The following SLC35F1 variants were observed in gnomAD, a reference collection of about 807,000 sequenced individuals.
SLC35F1 encodes chromosome 6 open reading frame 169.
Under a neutral mutation model 48.7 loss-of-function variants are expected in SLC35F1, and 14 were observed. That is an observed-to-expected ratio of 0.29 (90% CI 0.19 to 0.45). The LOEUF is 0.45. Among genes scored for constraint, SLC35F1 ranks in the 20% least tolerant of loss-of-function variants. SLC35F1 has a pLI of 1.00. For missense variants in SLC35F1, 404 were observed against 500.0 expected (o/e 0.81, Z 1.83); for synonymous variants, 190 against 202.2 (o/e 0.94, Z 0.51).
In SLC35F1 at chr6:117,907,719, C is replaced by T. The variant is rs1328337030; in HGVS notation, c.-8C>T. The stretch of plus-strand genomic sequence containing the variant: ...TCTGATCGCCGCCGCGCCTCAGCCT[C>T]TGCCGCGATGATCCCCCCTGAGCAG... On this transcript the variant is annotated 5_prime_UTR_variant, in exon 1 of 8. Transcript: ENST00000360388. The T allele has an allele frequency of 1.1e-5, 17 of 1,512,140 alleles. No homozygotes were observed. Among genetic ancestry groups the T allele is most frequent in the Non-Finnish European group, 1.5e-5 (17 of 1,128,346 alleles). 93.7% of individuals were successfully genotyped at this position (1,512,140 alleles called of 1,614,324 possible). A position where few individuals can be genotyped will look rare whatever the true frequency, so the allele number is the denominator to read the frequency against.
chr6:118,288,011 G>GT lies in SLC35F1; in HGVS notation c.1002+2687dup, dbSNP rs55797932. Among the ~76,000 whole-genome samples the GT allele has an allele frequency of 5.0e-3, 723 of 145,318 alleles. 3 individuals carry two copies. Among genetic ancestry groups the GT allele is most frequent in the Non-Finnish European group, 6.3e-3 (415 of 65,758 alleles). On this transcript the variant is annotated intron_variant, in intron 7 of 7. Coordinates refer to ENST00000360388, the MANE Select transcript of SLC35F1 (RefSeq NM_001029858.4). The stretch of plus-strand genomic sequence containing the variant: ...TTTATTTCATACAGCAATGATTTGG[G>GT]TTTTTTTTTTTTTTGGTATGGCAAA...
intron 7 of SLC35F1, among the ~76,000 whole-genome samples, chr6:118,291,310 G>T (rs1412724909): frequency 6.6e-6 from 1 of 151,110 alleles, no homozygotes; most frequent in African/African-American, 2.4e-5. Context: ...GGGAAAAGCT[G>T]TGTGTATATA....
At chr6:118,280,813 GCGAGTCGGGAT>G (rs1386774034) in intron 6 of SLC35F1, among the ~76,000 whole-genome samples, 3 of 151,696 alleles carry the variant, frequency 2.0e-5, no homozygotes, top group Admixed American at 6.6e-5. Flanking sequence ...GGAGGTTGCA[GCGAGTCGGGAT>G]CACGCAACTG....
At chr6:118,280,095 C>T (rs1017465475) in intron 6 of SLC35F1, among the ~76,000 whole-genome samples, 45 of 152,130 alleles carry the variant, frequency 3.0e-4, no homozygotes, top group African/African-American at 1.1e-3. Context: ...CAATTAAAAG[C>T]AAGAAGATAA....
chr6:117,943,437 G>GA (rs1454626722), intron 1 of SLC35F1, among the ~76,000 whole-genome samples: 1 of 152,046 alleles, frequency 6.6e-6, no homozygotes, highest in Non-Finnish European at 1.5e-5. Flanking sequence ...TCACTGAATT[G>GA]AAAAAAACTA....
intron 1 of SLC35F1, among the ~76,000 whole-genome samples, chr6:117,950,864 C>T (rs895638751): frequency 6.6e-6 from 1 of 152,048 alleles, no homozygotes; most frequent in Non-Finnish European, 1.5e-5. Flanking sequence ...GTTGAGACAT[C>T]AATGTTGATA....
chr6:118,047,971 G>A (rs1451991297), intron 1 of SLC35F1, among the ~76,000 whole-genome samples: 1 of 152,110 alleles, frequency 6.6e-6, no homozygotes, highest in Non-Finnish European at 1.5e-5. Flanking sequence ...GTTTTCAAAG[G>A]GAATGCTTCC....
intron 2 of SLC35F1, among the ~76,000 whole-genome samples, chr6:118,191,285 A>G (rs895624554): frequency 3.3e-5 from 5 of 152,212 alleles, no homozygotes; most frequent in Non-Finnish European, 7.4e-5. Context: ...TAGCTGAAAA[A>G]TCCTTCACAA....
In SLC35F1 at chr6:118,154,500, A is replaced by T; in HGVS notation, c.229A>T (p.Ile77Phe). 1 of 1,613,952 alleles carries T rather than the reference A, an allele frequency of 6.2e-7. No individual in the cohort carries two copies. Among genetic ancestry groups the T allele is most frequent in the South Asian group, 1.1e-5 (1 of 91,040 alleles). ...GQVLSLLICG[I>F]GLTSKYLSED... is the part of the protein sequence containing the mutation. ...GGTGTTATCCCTCCTTATTTGTGGA[A>T]TTGGCTTGACTAGCAAGTATCTGTC... The change falls in exon 2 of 8, where the codon ATT (isoleucine) becomes TTT (phenylalanine). Residue 77 changes from isoleucine (I) to phenylalanine (F), a missense_variant. By Grantham distance (21) the Ile-to-Phe change is conservative (BLOSUM62 0). This residue lies in a region of SLC35F1 where 306 missense variants were observed against 419.1 expected (regional missense o/e 0.73). Transcript: ENST00000360388.
intron 1 of SLC35F1, among the ~76,000 whole-genome samples, chr6:118,146,762 T>A (rs1773979572): frequency 2.0e-5 from 3 of 152,212 alleles, no homozygotes; most frequent in Admixed American, 2.0e-4. Flanking sequence ...TGCTACTGAC[T>A]GATTTGTTTC....
rs574615817 is a variant in SLC35F1 at position 118,266,370 on chromosome 6, AT to A, written c.478-617del. ...TACTCTATTCAACTTTCTTTAAAAAATTTTTTTTCTAATAGTTCTTTTAAGT... is the reference window on the plus strand; with the variant it reads ...TACTCTATTCAACTTTCTTTAAAAAATTTTTTTCTAATAGTTCTTTTAAGT... On this transcript the variant is annotated intron_variant, in intron 3 of 7. Coordinates refer to ENST00000360388, the MANE Select transcript of SLC35F1 (RefSeq NM_001029858.4). 5.1e-3 allele frequency among the ~76,000 whole-genome samples: 771 copies of A among 152,108 alleles called. 10 individuals carry two copies. Among genetic ancestry groups the A allele is most frequent in the African/African-American group, 0.017 (705 of 41,488 alleles).
At chr6:117,927,575 G>T (rs1030461839) in intron 1 of SLC35F1, among the ~76,000 whole-genome samples, 1 of 152,206 alleles carries the variant, frequency 6.6e-6, no homozygotes, top group Admixed American at 6.5e-5. Context: ...TGCTTTTGCA[G>T]TGAGAACATT....
intron 6 of SLC35F1, 67 bp from the exon 7 acceptor site, chr6:118,285,117 C>T: frequency 6.4e-7 from 1 of 1,567,910 alleles, no homozygotes; most frequent in Non-Finnish European, 8.7e-7. Flanking sequence ...CCCTTCTTTC[C>T]TGCTGTGGAT....
chr6:118,019,720 G>C (rs1777369447), intron 1 of SLC35F1, among the ~76,000 whole-genome samples: 1 of 152,158 alleles, frequency 6.6e-6, no homozygotes, highest in Non-Finnish European at 1.5e-5. Context: ...AAGATAATTA[G>C]TACCCACTAT....
At chr6:118,085,806 T>C (rs1166403914) in intron 1 of SLC35F1, among the ~76,000 whole-genome samples, 1 of 152,194 alleles carries the variant, frequency 6.6e-6, no homozygotes, top group Admixed American at 6.5e-5. Context: ...TACAAACTTG[T>C]GGAAATTTAA....
intron 1 of SLC35F1, among the ~76,000 whole-genome samples, chr6:117,948,665 T>C (rs1162066912): frequency 6.6e-6 from 1 of 152,114 alleles, no homozygotes; most frequent in Non-Finnish European, 1.5e-5. Flanking sequence ...AATAATACAA[T>C]TGATAACTGC....
intron 3 of SLC35F1, among the ~76,000 whole-genome samples, chr6:118,259,026 AT>A (rs918800678): frequency 6.6e-6 from 1 of 151,734 alleles, no homozygotes; most frequent in African/African-American, 2.4e-5. Context: ...TAAACCCATA[AT>A]TTTTTTAAAG....
At chr6:117,980,276 C>A (rs546222604) in intron 1 of SLC35F1, among the ~76,000 whole-genome samples, 5 of 152,082 alleles carry the variant, frequency 3.3e-5, no homozygotes, top group Non-Finnish European at 5.9e-5. Context: ...ATCTGGGATT[C>A]CAGGATGCAC....
chr6:118,264,558 T>C (rs1284256522), intron 3 of SLC35F1, among the ~76,000 whole-genome samples: 2 of 152,182 alleles, frequency 1.3e-5, no homozygotes, highest in Non-Finnish European at 2.9e-5. Flanking sequence ...ATCAAGTGCT[T>C]TGGCTTTTCT....
Sources: gnomAD v4.1 joint callset for allele counts (sites outside exome capture counted in the v4.1 genomes callset) on GRCh38, gnomAD v4.1.1 for gene constraint, gnomAD v4.1.1 regional missense constraint, MANE v1.5 for transcripts, NCBI Gene and HGNC (gene_info 2026-07-23, HGNC 2026-07-21) for gene names.